Variants in ANKS1B observed in about 807,000 individuals in gnomAD.
ANKS1B encodes the protein ankyrin repeat and sterile alpha motif domain containing 1B, also known as ankyrin repeat and sterile alpha motif domain-containing protein 1B.
In ANKS1B, 36 loss-of-function variants were observed where a neutral mutation model predicts 148.3. That is an observed-to-expected ratio of 0.24 (90% CI 0.19 to 0.32). The LOEUF is 0.32. Ranked by LOEUF, ANKS1B falls within the 10% of genes least tolerant of loss-of-function variation. The pLI, the probability that ANKS1B is intolerant of heterozygous loss-of-function variation, is 1.00. For missense variants in ANKS1B, 1,157 were observed against 1,542.6 expected (o/e 0.75, Z 4.19); for synonymous variants, 542 against 560.8 (o/e 0.97, Z 0.47).
intron 10 of ANKS1B, among the ~76,000 whole-genome samples, chr12:99,490,177 G>A (rs1185741036): frequency 3.9e-5 from 6 of 152,192 alleles, no homozygotes; most frequent in Non-Finnish European, 8.8e-5. Context: ...CTCAACAAAC[G>A]TTTGTGGAAC....
intron 10 of ANKS1B, among the ~76,000 whole-genome samples, chr12:99,482,638 T>C (rs1204060853): frequency 6.6e-6 from 1 of 150,722 alleles, no homozygotes; most frequent in East Asian, 1.9e-4. Context: ...CATTTTTCCA[T>C]GAGCATGGGG....
Position 98,745,510 on chromosome 12 carries a change from C to A in ANKS1B, c.*229G>T. The A allele has an allele frequency of 8.1e-7, 1 of 1,237,766 alleles. No individual in the cohort carries two copies. Among genetic ancestry groups the A allele is most frequent in the Non-Finnish European group, 1.0e-6 (1 of 986,014 alleles). The allele number at this position is 1,237,766 out of a possible 1,614,324, so 76.7% of individuals were successfully genotyped here. On this transcript the variant is annotated 3_prime_UTR_variant, in exon 27 of 27. Transcript: ENST00000683438. ...GGGAGTCGGGAGCATCAGGGAAAAC[C>A]CATCTCAACTCACGCCTCTCAGGGG...
intron 12 of ANKS1B, among the ~76,000 whole-genome samples, chr12:99,356,936 C>CTTT (rs11406224): frequency 6.8e-6 from 1 of 146,066 alleles, no homozygotes; most frequent in Non-Finnish European, 1.5e-5. Flanking sequence ...TTCTTCTAGA[C>CTTT]TTTTTTTTTT....
intron 1 of ANKS1B, among the ~76,000 whole-genome samples, chr12:99,865,182 A>C (rs1275310723): frequency 6.6e-6 from 1 of 152,264 alleles, no homozygotes; most frequent in Non-Finnish European, 1.5e-5. Context: ...GTGGAATGAC[A>C]GTACCCAACT....
At chr12:99,319,117 T>C (rs2084734099) in intron 12 of ANKS1B, among the ~76,000 whole-genome samples, 2 of 152,190 alleles carry the variant, frequency 1.3e-5, no homozygotes, top group Non-Finnish European at 1.5e-5. Flanking sequence ...TTGGAATAAG[T>C]GTGATGTGGT....
chr12:99,678,156 T>G (rs2098592509), intron 8 of ANKS1B, among the ~76,000 whole-genome samples: 1 of 152,202 alleles, frequency 6.6e-6, no homozygotes. Flanking sequence ...ACTGTTCTAC[T>G]TAACACAGGA....
intron 16 of ANKS1B, among the ~76,000 whole-genome samples, chr12:99,076,544 A>G (rs1393021117): frequency 1.3e-5 from 2 of 152,186 alleles, no homozygotes; most frequent in Non-Finnish European, 2.9e-5. Context: ...ACTGAATAGC[A>G]TATAGTCCCA....
intron 12 of ANKS1B, among the ~76,000 whole-genome samples, chr12:99,295,444 A>G (rs900383941): frequency 5.9e-5 from 9 of 152,164 alleles, no homozygotes; most frequent in African/African-American, 1.9e-4. Context: ...CACATTTTCC[A>G]TATTAACTCC....
intron 17 of ANKS1B, among the ~76,000 whole-genome samples, chr12:98,939,718 G>T (rs2099833061): frequency 6.6e-6 from 1 of 152,150 alleles, no homozygotes; most frequent in South Asian, 2.1e-4. Flanking sequence ...TGTTCAAATT[G>T]TCACAAGTTC....
chr12:99,236,959 G>C (rs2153958364), intron 14 of ANKS1B, among the ~76,000 whole-genome samples: 1 of 152,168 alleles, frequency 6.6e-6, no homozygotes, highest in South Asian at 2.1e-4. Context: ...GAGGATGGAG[G>C]GTGGGAGGAG....
chr12:99,327,325 T>TATATAATTATATATTATAATTACA (rs1366718596), intron 12 of ANKS1B, among the ~76,000 whole-genome samples: 6,006 of 117,908 alleles, frequency 0.051, 452 homozygotes, highest in African/African-American at 0.17. Context: ...TAATTACATA[T>TATATAATTATATATTATAATTACA]TATATATAAT....
At chr12:98,917,616 T>C (rs2099796131) in intron 17 of ANKS1B, among the ~76,000 whole-genome samples, 1 of 152,204 alleles carries the variant, frequency 6.6e-6, no homozygotes, top group South Asian at 2.1e-4. Flanking sequence ...TTGTATCAGC[T>C]GAAGTGCTGT....
chr12:99,369,751 T>TAGAC (rs2092989945), intron 12 of ANKS1B, among the ~76,000 whole-genome samples: 2 of 103,978 alleles, frequency 1.9e-5, no homozygotes, highest in Non-Finnish European at 2.0e-5. Context: ...GATAGAAAGA[T>TAGAC]AGATAGATAG....
chr12:99,120,482 G>A (rs1168657950), intron 15 of ANKS1B, among the ~76,000 whole-genome samples: 7 of 152,156 alleles, frequency 4.6e-5, no homozygotes, highest in African/African-American at 1.7e-4. Context: ...CATAAGTAAT[G>A]AATTTATTGT....
At chr12:99,268,524 CA>C (rs1296240694) in intron 12 of ANKS1B, among the ~76,000 whole-genome samples, 1 of 152,122 alleles carries the variant, frequency 6.6e-6, no homozygotes, top group African/African-American at 2.4e-5. Context: ...CTATGAGGGC[CA>C]CAACACAGAG....
intron 12 of ANKS1B, among the ~76,000 whole-genome samples, chr12:99,385,705 A>T (rs2093831809): frequency 6.6e-6 from 1 of 152,200 alleles, no homozygotes; most frequent in African/African-American, 2.4e-5. Context: ...CATAACTAAT[A>T]ATAGAAATAA....
At chr12:98,920,186 C>T (rs182929419) in intron 17 of ANKS1B, among the ~76,000 whole-genome samples, 1 of 152,356 alleles carries the variant, frequency 6.6e-6, no homozygotes, top group East Asian at 1.9e-4. Flanking sequence ...TTACTCTTCA[C>T]ATGGCATTCT....
At chr12:99,369,115 G>C (rs2092943916) in intron 12 of ANKS1B, among the ~76,000 whole-genome samples, 1 of 152,160 alleles carries the variant, frequency 6.6e-6, no homozygotes, top group Non-Finnish European at 1.5e-5. Flanking sequence ...AAGTGATCTA[G>C]TAGTAACCAC....
intron 17 of ANKS1B, among the ~76,000 whole-genome samples, chr12:98,947,371 G>T (rs754239801): frequency 5.9e-5 from 9 of 152,104 alleles, no homozygotes; most frequent in Non-Finnish European, 1.3e-4. Context: ...TAGTGATGAA[G>T]GTGGTGAGCA....
Sources: gnomAD v4.1 joint callset for allele counts (sites outside exome capture counted in the v4.1 genomes callset) on GRCh38, gnomAD v4.1.1 for gene constraint, MANE v1.5 for transcripts, NCBI Gene and HGNC (gene_info 2026-07-23, HGNC 2026-07-21) for gene names.